ATP10B: variants seen among roughly 807,000 people sequenced by gnomAD.
The protein encoded by ATP10B is phospholipid-transporting ATPase VB.
In ATP10B, 122 loss-of-function variants were observed where a neutral mutation model predicts 141.2. The ratio of observed to expected loss-of-function variants is 0.86; its 90% CI spans 0.75 to 1.00. ATP10B has a LOEUF of 1.00. Among genes scored for constraint, ATP10B ranks in the 50% least tolerant of loss-of-function variants. The probability of loss-of-function intolerance (pLI) is 0.00; values close to 1 mark genes in which losing one functional copy is unlikely to be tolerated. For missense variants in ATP10B, 1,876 were observed against 1,825.3 expected (o/e 1.03, Z -0.51); for synonymous variants, 685 against 692.0 (o/e 0.99, Z 0.16).
chr5:160,838,570 C>A (rs1775610940), intron 1 of ATP10B, among the ~76,000 whole-genome samples: 2 of 151,966 alleles, frequency 1.3e-5, no homozygotes, highest in South Asian at 4.2e-4. Flanking sequence ...TGAAAGGACC[C>A]ATTCAAATAT....
intron 1 of ATP10B, among the ~76,000 whole-genome samples, chr5:160,789,630 C>T (rs1176084271): frequency 2.0e-5 from 3 of 152,176 alleles, no homozygotes; most frequent in Admixed American, 6.6e-5. Flanking sequence ...AGGCACTGTG[C>T]TAAGCACTTT....
rs1488850509 is a variant in ATP10B at position 160,653,476 on chromosome 5, CATAGGTAGT to C, written c.676-4229_676-4221del. ...GTATATATACATATGTACATACATA[CATAGGTAGT>C]ATATATACATATGTACATATATACA... On this transcript the variant is annotated intron_variant, in intron 7 of 25. Coordinates refer to ENST00000327245, the MANE Select transcript of ATP10B (RefSeq NM_025153.3). 6.6e-5 allele frequency among the ~76,000 whole-genome samples: 5 copies of C among 75,928 alleles called. 1 individual carries two copies. Among genetic ancestry groups the C allele is most frequent in the African/African-American group, 1.8e-4 (4 of 22,782 alleles). 49.8% of individuals were successfully genotyped at this position (75,928 alleles called of 152,430 possible). A position where few individuals can be genotyped will look rare whatever the true frequency, so the allele number is the denominator to read the frequency against.
chr5:160,755,388 T>G (rs934921728), intron 2 of ATP10B, among the ~76,000 whole-genome samples: 2 of 152,144 alleles, frequency 1.3e-5, no homozygotes, highest in African/African-American at 2.4e-5. Flanking sequence ...CATTAGACAA[T>G]TTCGTTGTCG....
At chr5:160,590,394 C>T (rs1468033619) in intron 23 of ATP10B, among the ~76,000 whole-genome samples, 4 of 152,094 alleles carry the variant, frequency 2.6e-5, no homozygotes, top group African/African-American at 7.2e-5. Context: ...GAATATGAGC[C>T]CAGAGGTTGG....
intron 24 of ATP10B, among the ~76,000 whole-genome samples, chr5:160,576,076 T>C (rs1755169923): frequency 1.3e-5 from 2 of 152,112 alleles, no homozygotes; most frequent in Admixed American, 1.3e-4. Context: ...TAAGGCAGGA[T>C]CTCATTGGCC....
rs1418828435 is a variant in ATP10B at position 160,624,185 on chromosome 5, C to G, written c.1621-1600G>C. On this transcript the variant is annotated intron_variant, in intron 13 of 25. Transcript: ENST00000327245. ...AGACTGAGGGCCAATGAACTTTACC[C>G]AAGTTGAGAGTTTAAAAACAAAAAC... Among the ~76,000 whole-genome samples the G allele has an allele frequency of 4.6e-5, 7 of 152,104 alleles. No homozygotes were observed. In the East Asian group the frequency reaches 1.2e-3, roughly 25 times the overall value.
chr5:160,648,878 C>T (rs1162691495), intron 8 of ATP10B, among the ~76,000 whole-genome samples: 2 of 151,188 alleles, frequency 1.3e-5, no homozygotes, highest in Non-Finnish European at 2.9e-5. Flanking sequence ...ATCATATTCA[C>T]CTTCCTGAAT....
the ATP10B span, among the ~76,000 whole-genome samples, chr5:160,927,149 CCT>C: frequency 6.6e-6 from 1 of 152,118 alleles, no homozygotes; most frequent in African/African-American, 2.4e-5. Context: ...CCTTGGATCC[CCT>C]GATTCCAAAT....
intron 1 of ATP10B, among the ~76,000 whole-genome samples, chr5:160,845,566 G>T (rs1482240647): frequency 6.6e-6 from 1 of 152,114 alleles, no homozygotes; most frequent in East Asian, 1.9e-4. Context: ...CATATTGTAT[G>T]TGTCATAAAT....
intron 19 of ATP10B, 29 bp from the exon 20 acceptor site, chr5:160,604,070 T>A (rs1174971031): frequency 6.3e-7 from 1 of 1,589,766 alleles, no homozygotes; most frequent in South Asian, 1.1e-5. Context: ...CGTGTCTTTA[T>A]TTTTGGTCCA....
chr5:160,884,635 TTA>T, the ATP10B span, among the ~76,000 whole-genome samples: 17 of 152,190 alleles, frequency 1.1e-4, no homozygotes, highest in Non-Finnish European at 2.5e-4. Context: ...GAAATGTTAT[TTA>T]TATTTATTTT....
the ATP10B span, among the ~76,000 whole-genome samples, chr5:160,858,329 CCTTTT>C: frequency 0.015 from 2,293 of 151,912 alleles, 55 homozygotes; most frequent in African/African-American, 0.052. Context: ...CTTTTTCCAT[CCTTTT>C]ATTTTTAATC....
the ATP10B span, among the ~76,000 whole-genome samples, chr5:160,870,141 G>A: frequency 6.6e-6 from 1 of 152,024 alleles, no homozygotes; most frequent in Admixed American, 6.6e-5. Context: ...CCTAATTCCA[G>A]TTCATCCTAG....
In ATP10B at chr5:160,715,460, G is replaced by T. The variant is rs868716547; in HGVS notation, c.-205+1449C>A. ...CGCTTCCCAGGTGAGGCAATGCCTC[G>T]CCCTGCTTCGGCTCGCGCACGGTGC... On this transcript the variant is annotated intron_variant, in intron 3 of 25. Coordinates refer to ENST00000327245, the MANE Select transcript of ATP10B (RefSeq NM_025153.3). Among the ~76,000 whole-genome samples the T allele has an allele frequency of 6.2e-3, 885 of 143,780 alleles. 13 individuals carry two copies. Among genetic ancestry groups the T allele is most frequent in the African/African-American group, 0.022 (839 of 38,622 alleles). The allele number at this position is 143,780 out of a possible 152,430, so 94.3% of individuals were successfully genotyped here.
At chr5:160,708,622 G>T (rs1052772501) in intron 3 of ATP10B, among the ~76,000 whole-genome samples, 2 of 152,212 alleles carry the variant, frequency 1.3e-5, no homozygotes, top group African/African-American at 4.8e-5. Context: ...GAATCATGTA[G>T]AGAAGCCTCT....
At chr5:160,885,903 A>G in the ATP10B span, among the ~76,000 whole-genome samples, 36 of 152,264 alleles carry the variant, frequency 2.4e-4, no homozygotes, top group East Asian at 6.4e-3. Flanking sequence ...TTGCTCCTAA[A>G]TTACTCTTCC....
chr5:160,619,529 A>G (rs1343520806), intron 15 of ATP10B, among the ~76,000 whole-genome samples: 1 of 152,070 alleles, frequency 6.6e-6, no homozygotes, highest in African/African-American at 2.4e-5. Context: ...CATTCTACAC[A>G]CTAATCAATC....
chr5:160,793,672 A>T (rs1250316645), intron 1 of ATP10B, among the ~76,000 whole-genome samples: 1 of 152,184 alleles, frequency 6.6e-6, no homozygotes, highest in East Asian at 1.9e-4. Context: ...TGGTATTTAT[A>T]AAGTCAACAG....
chr5:160,696,241 G>C (rs1329186863), intron 3 of ATP10B, among the ~76,000 whole-genome samples: 2 of 152,088 alleles, frequency 1.3e-5, no homozygotes, highest in African/African-American at 4.8e-5. Context: ...TGAGTAGCTG[G>C]GATTACAGGC....
Sources: gnomAD v4.1 joint callset for allele counts (sites outside exome capture counted in the v4.1 genomes callset) on GRCh38, gnomAD v4.1.1 for gene constraint, MANE v1.5 for transcripts, NCBI Gene and HGNC (gene_info 2026-07-23, HGNC 2026-07-21) for gene names.